OPRM1: variants seen among roughly 807,000 people sequenced by gnomAD.
The protein encoded by OPRM1 is mu-type opioid receptor.
In OPRM1, 27 loss-of-function variants were observed where a neutral mutation model predicts 31.8. That is an observed-to-expected ratio of 0.85 (90% CI 0.63 to 1.17). The LOEUF (loss-of-function observed/expected upper bound fraction) is 1.17, where lower values mean the gene tolerates loss of function less well. Among genes scored for constraint, OPRM1 ranks in the 50% most tolerant of loss-of-function variants. The pLI is 0.00. For synonymous variants in OPRM1, 196 were observed against 189.9 expected (o/e 1.03, Z -0.26); for missense variants, 536 against 511.1 (o/e 1.05, Z -0.47).
chr6:154,034,328 A>G (rs564472569), upstream of OPRM1, among the ~76,000 whole-genome samples: 1 of 152,300 alleles, frequency 6.6e-6, no homozygotes, highest in East Asian at 1.9e-4. Flanking sequence ...GCAGATGACG[A>G]GGTCAGGAGA....
At chr6:154,057,651 A>G (rs1188043701) in intron 1 of OPRM1, among the ~76,000 whole-genome samples, 1 of 152,244 alleles carries the variant, frequency 6.6e-6, no homozygotes, top group African/African-American at 2.4e-5. Context: ...ACCATAATTT[A>G]TAAGTATTTT....
At chr6:154,075,452 C>CT (rs113939480) in intron 1 of OPRM1, among the ~76,000 whole-genome samples, 406 of 139,804 alleles carry the variant, frequency 2.9e-3, no homozygotes, top group East Asian at 0.013. Flanking sequence ...AAAATAAGCA[C>CT]TTTTTTTTTT....
chr6:154,122,444 A>G lies in OPRM1; in HGVS notation c.*3723A>G, dbSNP rs1324646289. Among the ~76,000 whole-genome samples, 2 of 152,218 alleles carry G rather than the reference A, an allele frequency of 1.3e-5. No homozygotes were observed. The highest frequency in any genetic ancestry group is 4.8e-5 in the African/African-American group (2 of 41,462). ...TGTTTCCCCCAGTTTGATATGGTTC[A>G]GGATACATAGTCATAGAACAGGGCA... On this transcript the variant is annotated 3_prime_UTR_variant, in exon 4 of 4. Coordinates refer to ENST00000330432, the MANE Select transcript of OPRM1 (RefSeq NM_000914.5).
intron 3 of OPRM1, chr6:154,199,704 G>T: frequency 6.2e-7 from 1 of 1,613,370 alleles, no homozygotes; most frequent in Non-Finnish European, 8.5e-7. Context: ...GGCTTATCTG[G>T]GACAGTAAGA....
chr6:154,101,319 A>G (rs775317452), intron 3 of OPRM1, among the ~76,000 whole-genome samples: 6 of 152,152 alleles, frequency 3.9e-5, no homozygotes, highest in Non-Finnish European at 5.9e-5. Flanking sequence ...TTCCTGAAGT[A>G]TCATTAAATA....
intron 1 of OPRM1, among the ~76,000 whole-genome samples, chr6:154,055,813 C>G (rs1441481571): frequency 6.6e-6 from 1 of 152,110 alleles, no homozygotes; most frequent in African/African-American, 2.4e-5. Context: ...GAAAAATATG[C>G]AAACCAGTGA....
In OPRM1 at chr6:154,126,600, C is replaced by A. The variant is rs1242820767; in HGVS notation, c.*7879C>A. Reference sequence around the variant, plus strand: ...TCTGGTTGTGGTGGCAATGTCACCACCCTACACTGCTGTGACACCGAAACA... The same window carrying A: ...TCTGGTTGTGGTGGCAATGTCACCAACCTACACTGCTGTGACACCGAAACA... On this transcript the variant is annotated 3_prime_UTR_variant, in exon 4 of 4. Transcript: ENST00000330432. Among the ~76,000 whole-genome samples, 2 of 152,110 alleles carry A rather than the reference C, an allele frequency of 1.3e-5. No homozygotes were observed. Among genetic ancestry groups the A allele is most frequent in the African/African-American group, 4.8e-5 (2 of 41,424 alleles).
At chr6:154,012,664 A>G (rs996631163) in intron 1 of OPRM1, among the ~76,000 whole-genome samples, 2 of 152,142 alleles carry the variant, frequency 1.3e-5, no homozygotes, top group African/African-American at 4.8e-5. Context: ...AATAGGGTCT[A>G]TGACATGTTT....
At chr6:154,132,561 A>G (rs1260479829), downstream of OPRM1, among the ~76,000 whole-genome samples, 1 of 152,218 alleles carries the variant, frequency 6.6e-6, no homozygotes, top group African/African-American at 2.4e-5. Context: ...ATGTCTCTAA[A>G]CCTTGACAAC....
At chr6:154,094,301 G>A (rs546276029) in intron 3 of OPRM1, 7 of 948,356 alleles carry the variant, frequency 7.4e-6, no homozygotes, top group Non-Finnish European at 8.9e-6. Flanking sequence ...GTGGAGTGGC[G>A]ATTTGGCAGT....
At chr6:154,154,619 C>T (rs1369457357) in intron 3 of OPRM1, 1 of 152,222 alleles carries the variant, frequency 6.6e-6, no homozygotes, top group African/African-American at 2.4e-5. Flanking sequence ...TTAAACACTT[C>T]CAGCCACATG....
At chr6:154,194,166 G>C (rs551288416) in intron 3 of OPRM1, among the ~76,000 whole-genome samples, 1 of 152,176 alleles carries the variant, frequency 6.6e-6, no homozygotes, top group African/African-American at 2.4e-5. Context: ...TTGGGAGGCC[G>C]AGGCGGGTGG....
intron 1 of OPRM1, among the ~76,000 whole-genome samples, chr6:154,064,820 G>A (rs1364326431): frequency 2.0e-5 from 3 of 152,044 alleles, no homozygotes; most frequent in Non-Finnish European, 2.9e-5. Flanking sequence ...TTTATTTCTG[G>A]GATCTCTACT....
At chr6:154,198,960 CAG>C (rs1262628645) in intron 3 of OPRM1, among the ~76,000 whole-genome samples, 3 of 152,160 alleles carry the variant, frequency 2.0e-5, no homozygotes, top group Admixed American at 2.0e-4. Flanking sequence ...AGCGCACAAT[CAG>C]AAAAGATACG....
chr6:154,195,999 C>T (rs558525044), intron 3 of OPRM1, among the ~76,000 whole-genome samples: 15 of 152,036 alleles, frequency 9.9e-5, no homozygotes, highest in African/African-American at 2.9e-4. Flanking sequence ...ACTATGTTGG[C>T]CAGGCTGGTC....
chr6:154,181,707 A>G (rs528301948), intron 3 of OPRM1, among the ~76,000 whole-genome samples: 53 of 152,312 alleles, frequency 3.5e-4, no homozygotes, highest in African/African-American at 1.2e-3. Context: ...TTTGTACCTC[A>G]AATTCTGTCT....
chr6:154,166,436 C>A (rs142321075), intron 3 of OPRM1, among the ~76,000 whole-genome samples: 1 of 152,220 alleles, frequency 6.6e-6, no homozygotes, highest in African/African-American at 2.4e-5. Flanking sequence ...CTTCTCCCAA[C>A]GTGGAACTAC....
rs117931152 is a variant in OPRM1 at position 154,242,300 on chromosome 6, C to T, written c.1165-4393C>T. On this transcript the variant is annotated intron_variant, in intron 3 of 3. Coordinates refer to the OPRM1 transcript ENST00000337049. Reference sequence around the variant, plus strand: ...ATTCAGATTGCTCCTTTTCCCATATCTGTTTTTAAGAATAGAGGTGGAAAT... The same window carrying T: ...ATTCAGATTGCTCCTTTTCCCATATTTGTTTTTAAGAATAGAGGTGGAAAT... Among the ~76,000 whole-genome samples, 1,138 of 152,280 alleles carry T rather than the reference C, an allele frequency of 7.5e-3. 30 individuals carry two copies. The highest frequency in any genetic ancestry group is 0.051 in the Admixed American group (781 of 15,298).
chr6:154,103,308 A>G (rs1347217294), intron 3 of OPRM1, among the ~76,000 whole-genome samples: 2 of 152,244 alleles, frequency 1.3e-5, no homozygotes, highest in African/African-American at 2.4e-5. Context: ...TTGTTTTTAG[A>G]ACCTGGATTA....
Sources: allele counts gnomAD v4.1 joint callset (sites outside exome capture counted in the v4.1 genomes callset), GRCh38; gene constraint gnomAD v4.1.1; transcripts MANE v1.5; gene names NCBI Gene and HGNC (gene_info 2026-07-23, HGNC 2026-07-21).